The following SPOCK1 variants were observed in gnomAD, a reference collection of about 807,000 sequenced individuals.
The protein encoded by SPOCK1 is SPARC (osteonectin), cwcv and kazal like domains proteoglycan 1, also known as testican-1.
A neutral mutation model predicts 55.3 loss-of-function variants in SPOCK1; 23 were observed. The ratio of observed to expected loss-of-function variants is 0.42; its 90% confidence interval spans 0.30 to 0.59. SPOCK1 has a LOEUF of 0.59. Among genes scored for constraint, SPOCK1 ranks in the 20% least tolerant of loss-of-function variants. The pLI is 0.22. For missense variants in SPOCK1, 499 were observed against 552.5 expected, an observed-to-expected ratio of 0.90 and a Z score of 0.97; for synonymous variants, 226 against 221.0, an observed-to-expected ratio of 1.02 and a Z score of -0.20.
At chr5:137,080,756 A>G (rs1752866359) in intron 5 of SPOCK1, among the ~76,000 whole-genome samples, 1 of 152,244 alleles carries the variant, frequency 6.6e-6, no homozygotes. Flanking sequence ...CAAAGAAAGA[A>G]CAAGTTTCTT....
chr5:137,011,142 G>A (rs1485916860), intron 6 of SPOCK1, among the ~76,000 whole-genome samples: 1 of 152,182 alleles, frequency 6.6e-6, no homozygotes, highest in Non-Finnish European at 1.5e-5. Flanking sequence ...ACTGGCTTAT[G>A]CATATGTAAA....
intron 4 of SPOCK1, among the ~76,000 whole-genome samples, chr5:137,120,513 G>A (rs1753665936): frequency 6.6e-6 from 1 of 152,196 alleles, no homozygotes; most frequent in African/African-American, 2.4e-5. Flanking sequence ...CAGCTGAGGA[G>A]AATCTATTCT....
At chr5:137,270,960 C>A (rs1468358617) in intron 2 of SPOCK1, among the ~76,000 whole-genome samples, 1 of 151,996 alleles carries the variant, frequency 6.6e-6, no homozygotes, top group Non-Finnish European at 1.5e-5. Flanking sequence ...CAAGATCGCA[C>A]CATTGCACTC....
chr5:137,403,555 T>C (rs1293640394), intron 2 of SPOCK1, among the ~76,000 whole-genome samples: 7 of 152,066 alleles, frequency 4.6e-5, no homozygotes, highest in Non-Finnish European at 1.0e-4. Flanking sequence ...AAAATGAAAC[T>C]GTACAGCAGG....
chr5:137,120,680 T>A (rs909775138), intron 4 of SPOCK1, among the ~76,000 whole-genome samples: 1 of 152,228 alleles, frequency 6.6e-6, no homozygotes, highest in Non-Finnish European at 1.5e-5. Flanking sequence ...GAACTGCTGC[T>A]TTGTTACTCT....
intron 3 of SPOCK1, among the ~76,000 whole-genome samples, chr5:137,258,986 A>C (rs1222098127): frequency 6.6e-6 from 1 of 152,282 alleles, no homozygotes; most frequent in East Asian, 1.9e-4. Flanking sequence ...CTCAGTGAGG[A>C]AATGGAACCT....
At chr5:137,042,814 GATAC>G (rs894976994) in intron 6 of SPOCK1, among the ~76,000 whole-genome samples, 4 of 151,974 alleles carry the variant, frequency 2.6e-5, no homozygotes, top group Non-Finnish European at 2.9e-5. Context: ...GCTTAATATA[GATAC>G]ATATAGAATA....
At chr5:137,313,149 C>G (rs935920321) in intron 2 of SPOCK1, among the ~76,000 whole-genome samples, 3 of 152,136 alleles carry the variant, frequency 2.0e-5, no homozygotes, top group African/African-American at 7.2e-5. Flanking sequence ...CATCCATTCC[C>G]AAAAGTGCCT....
At chr5:137,322,847 C>T (rs1385427875) in intron 2 of SPOCK1, among the ~76,000 whole-genome samples, 2 of 152,154 alleles carry the variant, frequency 1.3e-5, no homozygotes, top group Admixed American at 6.5e-5. Context: ...TTTATTTTCT[C>T]ACAGTTCTGG....
rs369484517 is a variant in SPOCK1, at chr5:137,365,680, G to A, written c.187-98625C>T. Among the ~76,000 whole-genome samples the A allele has an allele frequency of 4.6e-5, 7 of 152,068 alleles. No homozygotes were observed. In the East Asian group the frequency reaches 7.7e-4, roughly 17 times the overall value. On this transcript the variant is annotated intron_variant, in intron 2 of 10. Transcript: ENST00000394945. ...AATTCATGTTAATCATTCCACTCTCGTAATATGAATCATCTGTTTAATGGA... is the reference window on the plus strand; with the variant it reads ...AATTCATGTTAATCATTCCACTCTCATAATATGAATCATCTGTTTAATGGA...
At chr5:137,196,612 C>T (rs1426305405) in intron 3 of SPOCK1, among the ~76,000 whole-genome samples, 1 of 152,266 alleles carries the variant, frequency 6.6e-6, no homozygotes, top group Admixed American at 6.5e-5. Flanking sequence ...GCTCGAATGC[C>T]ACTTCCTCAA....
intron 5 of SPOCK1, among the ~76,000 whole-genome samples, chr5:137,075,254 T>C (rs11742546): frequency 0.19 from 29,581 of 152,182 alleles, 3,179 homozygotes; most frequent in Admixed American, 0.23. Flanking sequence ...CTTTGCCCAG[T>C]GGTGCTAGGA....
At chr5:137,140,557 A>G in intron 4 of SPOCK1, 23 bp downstream of exon 4, 3 of 1,598,940 alleles carry the variant, frequency 1.9e-6, no homozygotes, top group Non-Finnish European at 2.6e-6. Context: ...CCCAGCCCCC[A>G]GCCCCCGGCC....
intron 6 of SPOCK1, among the ~76,000 whole-genome samples, chr5:137,046,141 T>C (rs987716785): frequency 1.7e-5 from 1 of 57,430 alleles, no homozygotes; most frequent in African/African-American, 6.4e-5. Context: ...CTTTTTTGGT[T>C]CCATATGAAC....
At chr5:137,183,259 C>T (rs557133723) in intron 3 of SPOCK1, among the ~76,000 whole-genome samples, 2 of 152,186 alleles carry the variant, frequency 1.3e-5, no homozygotes, top group African/African-American at 2.4e-5. Flanking sequence ...CACTAAGGTC[C>T]GCACATGGTA....
At chr5:137,131,086 A>G (rs994045723) in intron 4 of SPOCK1, among the ~76,000 whole-genome samples, 23 of 152,216 alleles carry the variant, frequency 1.5e-4, no homozygotes, top group African/African-American at 5.5e-4. Flanking sequence ...GATGGGCCCT[A>G]CTATGGTGGC....
At chr5:136,982,116 AT>A (rs1750744047) in intron 9 of SPOCK1, among the ~76,000 whole-genome samples, 1 of 152,214 alleles carries the variant, frequency 6.6e-6, no homozygotes, top group Non-Finnish European at 1.5e-5. Context: ...AGTATACTCT[AT>A]GATGTTTACA....
At chr5:137,220,007 G>T (rs1451834079) in intron 3 of SPOCK1, among the ~76,000 whole-genome samples, 1 of 152,150 alleles carries the variant, frequency 6.6e-6, no homozygotes, top group African/African-American at 2.4e-5. Flanking sequence ...TACTCCATCT[G>T]CCCCAGAAGT....
chr5:137,178,666 C>T (rs1015360608), intron 3 of SPOCK1, among the ~76,000 whole-genome samples: 2 of 152,214 alleles, frequency 1.3e-5, no homozygotes, highest in African/African-American at 4.8e-5. Flanking sequence ...ACTCCCCTTC[C>T]TCTGGGGCCA....
Sources: gnomAD v4.1 joint callset for allele counts (sites outside exome capture counted in the v4.1 genomes callset) on GRCh38, gnomAD v4.1.1 for gene constraint, MANE v1.5 for transcripts, NCBI Gene and HGNC (gene_info 2026-07-23, HGNC 2026-07-21) for gene names.